DOCK7: variants seen among roughly 807,000 people sequenced by gnomAD.
DOCK7 encodes dedicator of cytokinesis 7.
In DOCK7, 138 loss-of-function variants were observed where a neutral mutation model predicts 271.0. The observed-to-expected ratio is 0.51, with a 90% CI of 0.44 to 0.59. The LOEUF (loss-of-function observed/expected upper bound fraction) is 0.59, where lower values mean the gene tolerates loss of function less well. Ranked by LOEUF, DOCK7 falls within the 20% of genes least tolerant of loss-of-function variation. The pLI, the probability that DOCK7 is intolerant of heterozygous loss-of-function variation, is 0.00. For missense variants in DOCK7, 2,066 were observed against 2,592.4 expected (o/e 0.80, Z 4.41); for synonymous variants, 823 against 876.1 (o/e 0.94, Z 1.07).
rs752404848 is a variant in DOCK7 at position 62,473,985 on chromosome 1, T to C, written c.6209A>G (p.Lys2070Arg). The part of the protein sequence containing the change: ...KLRLCFKDFT[K>R]RCEDALRKNK... ...TTACGCAGAAAGCCTTGAATACCTT[T>C]TAGTAAAATCTTTAAAGCAGAGTCG... The change falls in exon 48 of 50, where the codon AAA (lysine) becomes AGA (arginine). Residue 2070 changes from lysine to arginine, a missense_variant. This residue lies in a region of DOCK7 where 652 missense variants were observed against 922.1 expected (regional missense o/e 0.71). Transcript: ENST00000635253. 1.9e-6 allele frequency: 3 copies of C among 1,613,250 alleles called. No homozygotes were observed. Among genetic ancestry groups the C allele is most frequent in the Non-Finnish European group, 2.5e-6 (3 of 1,179,338 alleles).
At chr1:62,484,639 A>G (rs1301897807) in intron 43 of DOCK7, 1 of 152,066 alleles carries the variant, frequency 6.6e-6, no homozygotes, top group African/African-American at 2.4e-5. Flanking sequence ...CATATGCACA[A>G]CACCATACCT....
At chr1:62,503,962 G>A (rs1646865353) in intron 37 of DOCK7, among the ~76,000 whole-genome samples, 1 of 151,832 alleles carries the variant, frequency 6.6e-6, no homozygotes, top group Non-Finnish European at 1.5e-5. Flanking sequence ...CAGGAGAATG[G>A]CGTGAACCCA....
In DOCK7 at chr1:62,638,834, G is replaced by A. The variant is rs570662949; in HGVS notation, c.819-2231C>T. 4.0e-5 allele frequency among the ~76,000 whole-genome samples: 6 copies of A among 151,542 alleles called. No individual in the cohort carries two copies. The South Asian group carries it at 1.3e-3, about 32-fold the overall frequency. On this transcript the variant is annotated intron_variant, in intron 7 of 49. Coordinates refer to ENST00000635253, the MANE Select transcript of DOCK7 (RefSeq NM_001367561.1). ...AACTGTCCTGCCAATTTATTGAAAG[G>A]ATTACCCTTTCCATACTATAAAAAA... is the stretch of plus-strand genomic sequence containing the variant.
At chr1:62,557,672 A>G (rs1646190512) in intron 20 of DOCK7, among the ~76,000 whole-genome samples, 1 of 149,780 alleles carries the variant, frequency 6.7e-6, no homozygotes. Flanking sequence ...TCAAATATAA[A>G]TAAAGCACAT....
Position 62,647,680 on chromosome 1 carries a change from T to G in DOCK7, c.818+11A>C. The G allele has an allele frequency of 6.4e-7, 1 of 1,565,870 alleles. No homozygotes were observed. Among genetic ancestry groups the G allele is most frequent in the Non-Finnish European group, 8.7e-7 (1 of 1,154,082 alleles). Reference sequence around the variant, plus strand: ...AAATAAAAGTTGTAAGTAAAAGAAATAAATACTCACTTGAGTGATAAGCAT... The same window carrying G: ...AAATAAAAGTTGTAAGTAAAAGAAAGAAATACTCACTTGAGTGATAAGCAT... On this transcript the variant is annotated intron_variant, in intron 7 of 49. Transcript: ENST00000635253.
At chr1:62,495,902 C>G in intron 38 of DOCK7, 1 of 419,202 alleles carries the variant, frequency 2.4e-6, no homozygotes, top group South Asian at 5.0e-5. Flanking sequence ...TTTGTTCTTT[C>G]ACCTGGAAAC....
chr1:62,569,035 C>T (rs35700650), intron 18 of DOCK7, among the ~76,000 whole-genome samples: 1 of 152,004 alleles, frequency 6.6e-6, no homozygotes, highest in Non-Finnish European at 1.5e-5. Context: ...CCTCCCAAGA[C>T]TGAACCAGGA....
rs1282169676 is a variant in DOCK7 at position 62,642,734 on chromosome 1, T to C, written c.818+4957A>G. Among the ~76,000 whole-genome samples the C allele has an allele frequency of 5.9e-5, 9 of 152,216 alleles. No homozygotes were observed. The South Asian group carries it at 1.4e-3, about 24-fold the overall frequency. On this transcript the variant is annotated intron_variant, in intron 7 of 49. Transcript: ENST00000635253. ...ACAGGTTTATCTTTATGTTTTTCAA[T>C]TTCTTTGTTCATCATTCTTCTACCT...
chr1:62,603,475 C>T (rs1167504876), intron 14 of DOCK7, among the ~76,000 whole-genome samples: 2 of 151,390 alleles, frequency 1.3e-5, no homozygotes, highest in Admixed American at 6.6e-5. Flanking sequence ...AAATTTATTC[C>T]TGTCTTTTTC....
chr1:62,574,880 C>T (rs1467157907), intron 18 of DOCK7, among the ~76,000 whole-genome samples: 1 of 152,108 alleles, frequency 6.6e-6, no homozygotes, highest in Non-Finnish European at 1.5e-5. Context: ...CAGGTGCCTG[C>T]CACCACACCT....
At chr1:62,586,955 T>C (rs373218158) in intron 14 of DOCK7, among the ~76,000 whole-genome samples, 4 of 152,228 alleles carry the variant, frequency 2.6e-5, no homozygotes, top group African/African-American at 9.6e-5. Flanking sequence ...AAGAGGCTTC[T>C]GGAATAAATG....
In DOCK7 at chr1:62,653,260, A is replaced by G. The variant is rs138813424; in HGVS notation, c.389+465T>C. Among the ~76,000 whole-genome samples, 40 of 152,316 alleles carry G rather than the reference A, an allele frequency of 2.6e-4. 1 individual carries two copies. In the East Asian group the frequency reaches 7.1e-3, roughly 27 times the overall value. ...TAGAACAAAACATTATTTTTTACAA[A>G]TATTTACCTGATTGGATGTAGAGGT... On this transcript the variant is annotated intron_variant, in intron 4 of 49. Coordinates refer to ENST00000635253, the MANE Select transcript of DOCK7 (RefSeq NM_001367561.1).
At chr1:62,518,716 G>C (rs1334502031) in intron 31 of DOCK7, among the ~76,000 whole-genome samples, 2 of 151,974 alleles carry the variant, frequency 1.3e-5, no homozygotes, top group African/African-American at 4.8e-5. Context: ...CTCCAGCCTG[G>C]GTGACAGAGC....
intron 20 of DOCK7, 118 bp from the exon 21 acceptor site, chr1:62,556,107 G>T: frequency 1.0e-6 from 1 of 977,616 alleles, no homozygotes; most frequent in Non-Finnish European, 1.5e-6. Flanking sequence ...CACAGTAAGT[G>T]TATAAAGATG....
chr1:62,596,079 A>G (rs1649196119), intron 14 of DOCK7, among the ~76,000 whole-genome samples: 1 of 152,210 alleles, frequency 6.6e-6, no homozygotes, highest in Admixed American at 6.5e-5. Context: ...ATATATACCC[A>G]CACACATACA....
intron 18 of DOCK7, among the ~76,000 whole-genome samples, chr1:62,571,901 G>A (rs556892826): frequency 3.9e-5 from 6 of 152,104 alleles, no homozygotes; most frequent in Non-Finnish European, 5.9e-5. Flanking sequence ...GGGGCCTGTC[G>A]TTGGGGGGAG....
chr1:62,541,875 G>C (rs1265745063), intron 25 of DOCK7, among the ~76,000 whole-genome samples: 1 of 152,054 alleles, frequency 6.6e-6, no homozygotes, highest in Non-Finnish European at 1.5e-5. Context: ...TAAGCAAAAA[G>C]TACTTAAAAA....
At position 62,513,729 on chromosome 1, in the gene DOCK7, C is replaced by T. The variant is rs370385817; in HGVS notation, c.4106G>A (p.Cys1369Tyr). 1 of 1,613,826 alleles carries T rather than the reference C, an allele frequency of 6.2e-7. No homozygotes were observed. Among genetic ancestry groups the T allele is most frequent in the Non-Finnish European group, 8.5e-7 (1 of 1,179,894 alleles). ...LLDLLYLCVS[C>Y]FEYKGKKVFE... ...ATGACCACTTACTTTATACTCAAAG[C>T]AAGACACACAGAGATAAAGCAGATC... The change falls in exon 32 of 50, where the codon TGC becomes TAC. Residue 1369 changes from cysteine (C) to tyrosine (Y), a missense_variant. Physicochemically the swap from Cys to Tyr is radical, Grantham distance 194. Coordinates refer to ENST00000635253, the MANE Select transcript of DOCK7 (RefSeq NM_001367561.1).
At chr1:62,521,008 A>C (rs1644831553) in intron 31 of DOCK7, among the ~76,000 whole-genome samples, 1 of 152,070 alleles carries the variant, frequency 6.6e-6, no homozygotes, top group Admixed American at 6.6e-5. Flanking sequence ...AGGAACAGAA[A>C]ACCAAACACC....
Sources: gnomAD v4.1 joint callset for allele counts (sites outside exome capture counted in the v4.1 genomes callset) on GRCh38, gnomAD v4.1.1 for gene constraint, gnomAD v4.1.1 regional missense constraint, MANE v1.5 for transcripts, NCBI Gene and HGNC (gene_info 2026-07-23, HGNC 2026-07-21) for gene names.